Variants in IMP4 observed in about 807,000 individuals in gnomAD.
The protein encoded by IMP4 is U3 small nucleolar ribonucleoprotein IMP4.
IMP4 carries 30 observed loss-of-function variants against 42.7 expected under a neutral mutation model. The observed-to-expected ratio is 0.70, with a 90% confidence interval of 0.53 to 0.95. The LOEUF (loss-of-function observed/expected upper bound fraction) is 0.95. Ranked by LOEUF, IMP4 falls within the 40% of genes least tolerant of loss-of-function variation. The pLI, the probability that IMP4 is intolerant of heterozygous loss-of-function variation, is 0.00. For synonymous variants in IMP4, 165 were observed against 165.2 expected (o/e 1.00, Z 0.01); for missense variants, 382 against 411.4 (o/e 0.93, Z 0.62).
chr2:130,344,998 A>G lies in IMP4; in HGVS notation c.196+286A>G, dbSNP rs1012166923. 4 of 566,184 alleles carry G rather than the reference A, an allele frequency of 7.1e-6. No homozygotes were observed. The Admixed American group carries it at 1.3e-4, about 18-fold the overall frequency. 35.1% of individuals were successfully genotyped at this position (566,184 alleles called of 1,614,324 possible). On this transcript the variant is annotated intron_variant, in intron 3 of 8. Transcript: ENST00000259239. The stretch of plus-strand genomic sequence containing the variant: ...TGTCCCTCACACATTATTGGTGCCC[A>G]TACGTTTATTCACTGCATTATTCAA...
chr2:130,343,061 G>A (rs773372090), intron 1 of IMP4, 25 bp from the exon 2 acceptor site: 2 of 1,593,474 alleles, frequency 1.3e-6, no homozygotes, highest in South Asian at 2.2e-5. Flanking sequence ...CGAGTAGTGA[G>A]TGACTGGGCC....
chr2:130,343,169 G>A lies in IMP4; in HGVS notation c.87G>A (p.Lys29=), dbSNP rs547873913. 5.8e-6 allele frequency: 9 copies of A among 1,549,524 alleles called. No individual in the cohort carries two copies. In the East Asian group the frequency reaches 1.5e-4, roughly 25 times the overall value. The change falls in exon 2 of 9, where the codon AAG becomes AAA. Residue 29 remains lysine (K), a synonymous_variant. Coordinates refer to ENST00000259239, the MANE Select transcript of IMP4 (RefSeq NM_033416.3). ...CGCAGCGCTCAGCCCAGGAGAGGAAGGAGCGGCTGCGGCGCGCGCTGGAAG... is the reference window on the plus strand; with the variant it reads ...CGCAGCGCTCAGCCCAGGAGAGGAAAGAGCGGCTGCGGCGCGCGCTGGAAG... ...EEAQRSAQER[K]ERLRRALEEN...
intron 1 of IMP4, 38 bp downstream of exon 1, chr2:130,342,973 C>T (rs377239915): frequency 1.9e-6 from 3 of 1,613,928 alleles, no homozygotes; most frequent in African/African-American, 2.7e-5. Flanking sequence ...GTCCGGGGCG[C>T]GTGAAGTGCT....
In IMP4 at chr2:130,345,363, G is replaced by A. The variant is rs199737292; in HGVS notation, c.197-13G>A. On this transcript the variant is annotated splice_polypyrimidine_tract_variant and intron_variant, in intron 3 of 8. Transcript: ENST00000259239. This position sits in a 1 kb window ranked among gnomAD's most constrained non-coding sequence, Gnocchi z 4.9. ...CAAGACTGTCATGTTCTTGCCCCTCGTGCTCCTGACAGGTGTGACCAGCCA... is the reference window on the plus strand; with the variant it reads ...CAAGACTGTCATGTTCTTGCCCCTCATGCTCCTGACAGGTGTGACCAGCCA... 1.1e-3 allele frequency: 1,757 copies of A among 1,603,288 alleles called. 4 individuals carry two copies. Among genetic ancestry groups the A allele is most frequent in the Non-Finnish European group, 1.2e-3 (1,453 of 1,170,870 alleles).
chr2:130,344,806 C>G, intron 3 of IMP4, 94 bp downstream of exon 3: 1 of 841,658 alleles, frequency 1.2e-6, no homozygotes, highest in Non-Finnish European at 2.1e-6. Flanking sequence ...GAGGAAACTG[C>G]TCCTGGAACT....
chr2:130,342,924 G>A lies in IMP4; in HGVS notation c.-9G>A, dbSNP rs756812847. ...ATTCTCCCGGACCCACGTGGAAGCG[G>A]CACTCAAGATGGTAGGAGAATGAGC... On this transcript the variant is annotated 5_prime_UTR_variant, in exon 1 of 9. Transcript: ENST00000259239. The A allele has an allele frequency of 3.7e-6, 6 of 1,614,098 alleles. No homozygotes were observed. The highest frequency in any genetic ancestry group is 4.5e-5 in the East Asian group (2 of 44,876).
intron 3 of IMP4, 63 bp downstream of exon 3, chr2:130,344,775 A>G (rs1442536620): frequency 3.7e-6 from 4 of 1,085,624 alleles, no homozygotes; most frequent in Non-Finnish European, 4.3e-6. Flanking sequence ...TTCCTCAGAC[A>G]CACCGGGCAC....
In IMP4 at chr2:130,346,237, G is replaced by A; in HGVS notation, c.726G>A (p.Val242=). The part of the protein sequence containing the change: ...HVYKKTDHRN[V]ELTEVGPRFE... ...ATAAGAAGACAGACCACCGCAACGT[G>A]GAGCTCACTGAGGTCGGGCCCCGCT... Residue 242 remains valine, a synonymous_variant, in exon 8 of 9, where the codon GTG becomes GTA. Transcript: ENST00000259239. The A allele has an allele frequency of 6.2e-7, 1 of 1,614,200 alleles. No individual in the cohort carries two copies. The highest frequency in any genetic ancestry group is 1.3e-5 in the African/African-American group (1 of 75,048).
At chr2:130,343,261 C>G in intron 2 of IMP4, 67 bp downstream of exon 2, 1 of 1,143,140 alleles carries the variant, frequency 8.7e-7, no homozygotes, top group Non-Finnish European at 1.3e-6. Context: ...GTTCGAATAT[C>G]CGAGCGTCTT....
At chr2:130,343,485 G>A in intron 2 of IMP4, 1 of 552,448 alleles carries the variant, frequency 1.8e-6, no homozygotes, top group Non-Finnish European at 3.5e-6. Flanking sequence ...GTGGCTCACT[G>A]CTGTAATCCC....
chr2:130,345,817 G>A lies in IMP4; in HGVS notation c.478G>A (p.Ala160Thr). 1 of 1,613,994 alleles carries A rather than the reference G, an allele frequency of 6.2e-7. No homozygotes were observed. Among genetic ancestry groups the A allele is most frequent in the Non-Finnish European group, 8.5e-7 (1 of 1,180,046 alleles). ...CAGCCACCTGCCCTTTGGTCCTACT[G>A]CCTACTTCACGCTGTGCAATGTGGT... Reference protein sequence around the residue: ...IVSHLPFGPTAYFTLCNVVMR... With the variant: ...IVSHLPFGPTTYFTLCNVVMR... Residue 160 changes from alanine to threonine, a missense_variant, in exon 6 of 9, where the codon GCC becomes ACC. By Grantham distance (58) the Ala-to-Thr change is moderately conservative (BLOSUM62 0). Coordinates refer to ENST00000259239, the MANE Select transcript of IMP4 (RefSeq NM_033416.3). The surrounding 1 kb of genome is among the most constrained non-coding windows in gnomAD (Gnocchi z 4.9).
In IMP4 at chr2:130,343,083, C is replaced by T. The variant is rs1348302752; in HGVS notation, c.4-3C>T. ...TGAGTGACTGGGCCTGCTGTTCCCACAGCTGCGCCGCGAGGCCCGCCTGCG... is the reference window on the plus strand; with the variant it reads ...TGAGTGACTGGGCCTGCTGTTCCCATAGCTGCGCCGCGAGGCCCGCCTGCG... On this transcript the variant is annotated splice_region_variant and splice_polypyrimidine_tract_variant and intron_variant, in intron 1 of 8. Coordinates refer to ENST00000259239, the MANE Select transcript of IMP4 (RefSeq NM_033416.3). The T allele has an allele frequency of 2.5e-6, 4 of 1,571,022 alleles. No homozygotes were observed. The South Asian group carries it at 4.6e-5, about 18-fold the overall frequency.
At position 130,345,356 on chromosome 2, in the gene IMP4, G is replaced by GC; in HGVS notation, c.197-16dup. On this transcript the variant is annotated intron_variant, in intron 3 of 8. Coordinates refer to ENST00000259239, the MANE Select transcript of IMP4 (RefSeq NM_033416.3). The surrounding 1 kb of genome is among the most constrained non-coding windows in gnomAD (Gnocchi z 4.9). ...TCATTCCCAAGACTGTCATGTTCTTGCCCCTCGTGCTCCTGACAGGTGTGA... is the reference window on the plus strand; with the variant it reads ...TCATTCCCAAGACTGTCATGTTCTTGCCCCCTCGTGCTCCTGACAGGTGTGA... The GC allele has an allele frequency of 6.3e-7, 1 of 1,586,744 alleles. No individual in the cohort carries two copies. Among genetic ancestry groups the GC allele is most frequent in the Non-Finnish European group, 8.6e-7 (1 of 1,156,294 alleles).
rs201349599 is a variant in IMP4, at chr2:130,346,329, C to T, written c.764-27C>T. The T allele has an allele frequency of 1.1e-3, 1,789 of 1,604,036 alleles. 7 individuals are homozygous for T. Among genetic ancestry groups the T allele is most frequent in the Middle Eastern group, 3.3e-3 (20 of 6,050 alleles). On this transcript the variant is annotated intron_variant, in intron 8 of 8. Coordinates refer to ENST00000259239, the MANE Select transcript of IMP4 (RefSeq NM_033416.3). Reference sequence around the variant, plus strand: ...GGTGGGGAGGGGAGGCTGGCTGTGCCGGGGCTGATGCCATCCCTGCCTGCA... The same window carrying T: ...GGTGGGGAGGGGAGGCTGGCTGTGCTGGGGCTGATGCCATCCCTGCCTGCA...
In IMP4 at chr2:130,347,339, T is replaced by C. The variant is rs1679654661; in HGVS notation, c.*871T>C. On this transcript the variant is annotated 3_prime_UTR_variant, in exon 9 of 9. Transcript: ENST00000259239. ...CCTTTTCTCCACATTGTTGCCAACA[T>C]TCTTTATCTTGTGTTTTTTAATAAC... The C allele has an allele frequency of 6.6e-6, 1 of 152,188 alleles. No individual in the cohort carries two copies. The highest frequency in any genetic ancestry group is 1.5e-5 in the Non-Finnish European group (1 of 68,026). 9.4% of individuals were successfully genotyped at this position (152,188 alleles called of 1,614,324 possible).
At position 130,345,748 on chromosome 2, in the gene IMP4, G is replaced by A. The variant is rs753524160; in HGVS notation, c.440-31G>A. 90 of 1,612,368 alleles carry A rather than the reference G, an allele frequency of 5.6e-5. 1 individual carries two copies. The highest frequency in any genetic ancestry group is 2.3e-4 in the Admixed American group (14 of 60,000). ...GGGTGGGAGCCGTCTGAGGGCAGAC[G>A]GGGTCTCTGACAGCCACCTTTCCCC... is the stretch of plus-strand genomic sequence containing the variant. On this transcript the variant is annotated intron_variant, in intron 5 of 8. Transcript: ENST00000259239. This position sits in a 1 kb window ranked among gnomAD's most constrained non-coding sequence, Gnocchi z 4.9.
At chr2:130,346,158 A>C (rs1276995748) in intron 7 of IMP4, 43 bp from the exon 8 acceptor site, 1 of 1,612,534 alleles carries the variant, frequency 6.2e-7, no homozygotes, top group African/African-American at 1.3e-5. Flanking sequence ...CACCCTGTGT[A>C]CCTCGTGCTG....
intron 2 of IMP4, chr2:130,343,470 G>T (rs1186085288): frequency 1.2e-5 from 7 of 599,098 alleles, no homozygotes; most frequent in African/African-American, 1.8e-5. Flanking sequence ...ATTCTCTTTA[G>T]AGCGGTGGCT....
chr2:130,346,186 G>A lies in IMP4; in HGVS notation c.690-15G>A, dbSNP rs1170015113. 6.2e-7 allele frequency: 1 copy of A among 1,614,118 alleles called. No homozygotes were observed. Among genetic ancestry groups the A allele is most frequent in the African/African-American group, 1.3e-5 (1 of 75,058 alleles). On this transcript the variant is annotated splice_polypyrimidine_tract_variant and intron_variant, in intron 7 of 8. Transcript: ENST00000259239. ...TCGTGCTGCTTGCCGTTGACCCACA[G>A]CTGTTCCCTCCCAGGCACCATGTGT... is the stretch of plus-strand genomic sequence containing the variant.
Sources: allele counts gnomAD v4.1 joint callset, GRCh38; gene constraint gnomAD v4.1.1; non-coding constraint Gnocchi (gnomAD v3.1); transcripts MANE v1.5; gene names NCBI Gene and HGNC (gene_info 2026-07-23, HGNC 2026-07-21).